Variants in TRAF3IP1 observed in about 807,000 individuals in gnomAD.
The protein encoded by TRAF3IP1 is TRAF3-interacting protein 1.
TRAF3IP1 carries 53 observed loss-of-function variants against 89.9 expected under a neutral mutation model. The ratio of observed to expected loss-of-function variants is 0.59; its 90% CI spans 0.47 to 0.74. The LOEUF is 0.74. TRAF3IP1 is among the 30% of genes least tolerant of loss of function. TRAF3IP1 has a pLI of 0.00. For missense variants in TRAF3IP1, 806 were observed against 866.1 expected (o/e 0.93, Z 0.87); for synonymous variants, 311 against 322.1 (o/e 0.97, Z 0.37).
intron 15 of TRAF3IP1, among the ~76,000 whole-genome samples, chr2:238,361,946 T>A (rs1699678801): frequency 1.3e-5 from 2 of 152,216 alleles, no homozygotes; most frequent in South Asian, 4.1e-4. Context: ...TCCCACTCTC[T>A]CCTAACCCCA....
At chr2:238,358,973 A>G (rs899691398) in intron 15 of TRAF3IP1, among the ~76,000 whole-genome samples, 3 of 152,228 alleles carry the variant, frequency 2.0e-5, no homozygotes, top group African/African-American at 7.2e-5. Context: ...TTTGAGCCAG[A>G]TGGTCTCTTG....
Position 238,400,491 on chromosome 2 carries a change from T to C in TRAF3IP1, c.*1572T>C, listed in dbSNP as rs1171859004. On this transcript the variant is annotated 3_prime_UTR_variant, in exon 17 of 17. Transcript: ENST00000373327. ...TCTGTACTCAGGTTGTTATATGATT[T>C]TCTGAGCTGAATAAGTTCAGGAGCA... 2.6e-5 allele frequency: 4 copies of C among 152,248 alleles called. No homozygotes were observed. The highest frequency in any genetic ancestry group is 9.6e-5 in the African/African-American group (4 of 41,460). The allele number at this position is 152,248 out of a possible 1,614,324, so 9.4% of individuals were successfully genotyped here. A position where few individuals can be genotyped will look rare whatever the true frequency, so the allele number is the denominator to read the frequency against.
intron 8 of TRAF3IP1, among the ~76,000 whole-genome samples, chr2:238,339,527 G>A (rs973002577): frequency 1.3e-5 from 2 of 152,222 alleles, no homozygotes; most frequent in African/African-American, 4.8e-5. Context: ...AAAGCCTGAG[G>A]GGTGGACTCC....
intron 15 of TRAF3IP1, among the ~76,000 whole-genome samples, chr2:238,357,788 A>G (rs1295631246): frequency 3.9e-5 from 6 of 152,182 alleles, no homozygotes; most frequent in African/African-American, 7.2e-5. Flanking sequence ...AGTGGAGGTC[A>G]CCTTTGAAGC....
chr2:238,356,891 G>C (rs1025267924), intron 15 of TRAF3IP1, among the ~76,000 whole-genome samples: 6 of 150,932 alleles, frequency 4.0e-5, no homozygotes, highest in African/African-American at 1.5e-4. Flanking sequence ...CCATTCTCCT[G>C]CCTCAGCCTC....
chr2:238,358,458 C>T (rs1030201434), intron 15 of TRAF3IP1, among the ~76,000 whole-genome samples: 1 of 152,186 alleles, frequency 6.6e-6, no homozygotes, highest in Non-Finnish European at 1.5e-5. Context: ...ATCGCTTGAG[C>T]CCAGGAAGCA....
chr2:238,362,587 CT>C (rs1250198953), intron 15 of TRAF3IP1, among the ~76,000 whole-genome samples: 1 of 152,128 alleles, frequency 6.6e-6, no homozygotes, highest in Non-Finnish European at 1.5e-5. Flanking sequence ...AAGGCCTGCC[CT>C]TCTCCTTCAG....
chr2:238,349,252 G>T (rs1306951416), intron 11 of TRAF3IP1, 73 bp from the exon 12 acceptor site: 5 of 1,388,520 alleles, frequency 3.6e-6, no homozygotes, highest in Non-Finnish European at 5.0e-6. Flanking sequence ...ACATTCACCT[G>T]GGCTTTCTTT....
chr2:238,365,163 TC>T (rs1699821758), intron 15 of TRAF3IP1, among the ~76,000 whole-genome samples: 1 of 152,222 alleles, frequency 6.6e-6, no homozygotes. Context: ...TAGGAATAGA[TC>T]CTCAAATTTC....
At chr2:238,389,189 C>T (rs1011139978) in intron 15 of TRAF3IP1, among the ~76,000 whole-genome samples, 6 of 152,076 alleles carry the variant, frequency 3.9e-5, no homozygotes, top group East Asian at 1.9e-4. Flanking sequence ...ATCCTGCTTC[C>T]GAGAGGGACT....
Position 238,360,854 on chromosome 2 carries a change from TG to T in TRAF3IP1, c.1689+4779del, listed in dbSNP as rs561824877. Among the ~76,000 whole-genome samples the T allele has an allele frequency of 3.6e-3, 545 of 151,956 alleles. 3 individuals are homozygous for T. Among genetic ancestry groups the T allele is most frequent in the African/African-American group, 0.013 (521 of 41,476 alleles). On this transcript the variant is annotated intron_variant, in intron 15 of 16. Transcript: ENST00000373327. ...GAGATTGCGCCACTGCACTCCAGCC[TG>T]GGGGACAAAGTGAGATTCCGTCTCA...
At chr2:238,334,561 C>T (rs1261849141) in intron 7 of TRAF3IP1, among the ~76,000 whole-genome samples, 1 of 152,158 alleles carries the variant, frequency 6.6e-6, no homozygotes, top group African/African-American at 2.4e-5. Flanking sequence ...GCAGGGAAGC[C>T]CTGTTGGAGG....
At chr2:238,394,942 C>A (rs770666824) in intron 15 of TRAF3IP1, among the ~76,000 whole-genome samples, 5 of 152,180 alleles carry the variant, frequency 3.3e-5, no homozygotes, top group Non-Finnish European at 7.3e-5. Flanking sequence ...AGCTATGATA[C>A]GTTCAAATTA....
chr2:238,363,348 A>G (rs892179327), intron 15 of TRAF3IP1, among the ~76,000 whole-genome samples: 2 of 152,170 alleles, frequency 1.3e-5, no homozygotes, highest in African/African-American at 4.8e-5. Context: ...TGACTTCTAA[A>G]TTCCTTGAAT....
chr2:238,341,420 A>G (rs1698647944), intron 8 of TRAF3IP1, among the ~76,000 whole-genome samples: 1 of 152,072 alleles, frequency 6.6e-6, no homozygotes, highest in Non-Finnish European at 1.5e-5. Context: ...AAAAAAAAGT[A>G]CATTTTCCTA....
chr2:238,375,436 G>A (rs1218906332), intron 15 of TRAF3IP1, among the ~76,000 whole-genome samples: 2 of 152,130 alleles, frequency 1.3e-5, no homozygotes, highest in South Asian at 4.1e-4. Flanking sequence ...GTAGTTGTTC[G>A]GTTTTGAGTG....
At chr2:238,350,793 C>T (rs1050067230) in intron 12 of TRAF3IP1, among the ~76,000 whole-genome samples, 1 of 151,400 alleles carries the variant, frequency 6.6e-6, no homozygotes, top group African/African-American at 2.4e-5. Flanking sequence ...TGTGGCGGGG[C>T]CTGTTCTGCA....
chr2:238,367,548 A>C (rs1021298845), intron 15 of TRAF3IP1, among the ~76,000 whole-genome samples: 4 of 152,130 alleles, frequency 2.6e-5, no homozygotes, highest in African/African-American at 9.7e-5. Context: ...TCCCCTTAGC[A>C]TGTGGTGGTG....
At chr2:238,335,573 C>A (rs1256960213) in intron 7 of TRAF3IP1, among the ~76,000 whole-genome samples, 1 of 152,008 alleles carries the variant, frequency 6.6e-6, no homozygotes, top group East Asian at 1.9e-4. Flanking sequence ...TCAAGAATTC[C>A]ACTCTTGCAA....
Sources: allele counts gnomAD v4.1 joint callset (sites outside exome capture counted in the v4.1 genomes callset), GRCh38; gene constraint gnomAD v4.1.1; transcripts MANE v1.5; gene names NCBI Gene and HGNC (gene_info 2026-07-23, HGNC 2026-07-21).